The following WWOX variants were observed in gnomAD, a reference collection of about 807,000 sequenced individuals.
WWOX encodes WW domain containing oxidoreductase, also known as WW domain-containing oxidoreductase.
In WWOX, 69 loss-of-function variants were observed where a neutral mutation model predicts 46.2. The ratio of observed to expected loss-of-function variants is 1.49; its 90% CI spans 1.23 to 1.82. The LOEUF is 1.82. Ranked by LOEUF, WWOX falls within the 40% of genes most tolerant of loss-of-function variation. WWOX has a pLI of 0.00. For synonymous variants in WWOX, 359 were observed against 202.6 expected (o/e 1.77, Z -6.56); for missense variants, 919 against 542.6 (o/e 1.69, Z -6.89).
chr16:78,912,878 C>T (rs2045147969), intron 8 of WWOX, among the ~76,000 whole-genome samples: 1 of 151,972 alleles, frequency 6.6e-6, no homozygotes. Flanking sequence ...ATCTTTAAAA[C>T]ACCATCAGCT....
At chr16:78,628,982 C>A (rs575177507) in intron 8 of WWOX, among the ~76,000 whole-genome samples, 3 of 152,164 alleles carry the variant, frequency 2.0e-5, no homozygotes, top group Admixed American at 2.0e-4. Context: ...TTTCCATTCT[C>A]AGGTCTTTTA....
In WWOX at chr16:79,073,972, T is replaced by G. The variant is rs181331870; in HGVS notation, c.1057-137636T>G. Among the ~76,000 whole-genome samples, 4 of 150,806 alleles carry G rather than the reference T, an allele frequency of 2.7e-5. No individual in the cohort carries two copies. The East Asian group carries it at 5.8e-4, about 22-fold the overall frequency. ...AAATCTCTTCTGGAGGAGGGTACCC[T>G]TCACAAAGTTATTTGCCAAAGGTCT... On this transcript the variant is annotated intron_variant, in intron 8 of 8. Transcript: ENST00000566780.
At chr16:78,128,808 CTGTGTGGCTGTGTGAT>C (rs796545238) in intron 4 of WWOX, among the ~76,000 whole-genome samples, 33 of 152,290 alleles carry the variant, frequency 2.2e-4, no homozygotes, top group African/African-American at 7.7e-4. Flanking sequence ...TTTGATTTTA[CTGTGTGGCTGTGTGAT>C]ACAGCAAGGC....
At chr16:78,990,536 A>G (rs1478127653) in intron 8 of WWOX, among the ~76,000 whole-genome samples, 3 of 152,242 alleles carry the variant, frequency 2.0e-5, no homozygotes, top group Non-Finnish European at 4.4e-5. Context: ...CACACTGACA[A>G]CAGCTCTTTG....
At chr16:79,120,276 T>C (rs1441014008) in intron 8 of WWOX, among the ~76,000 whole-genome samples, 3 of 152,140 alleles carry the variant, frequency 2.0e-5, no homozygotes, top group African/African-American at 4.8e-5. Context: ...CAGGTACATA[T>C]ACCCTTCAGA....
intron 8 of WWOX, among the ~76,000 whole-genome samples, chr16:79,094,073 C>T (rs1343059004): frequency 6.6e-6 from 1 of 152,102 alleles, no homozygotes; most frequent in African/African-American, 2.4e-5. Flanking sequence ...AGATAAAGTG[C>T]CCACCTAGCA....
chr16:78,207,460 T>A (rs35620346), intron 5 of WWOX, among the ~76,000 whole-genome samples: 11,074 of 152,160 alleles, frequency 0.073, 464 homozygotes, highest in Middle Eastern at 0.11. Context: ...GCTTGTCTTT[T>A]TACATCTTTG....
intron 5 of WWOX, among the ~76,000 whole-genome samples, chr16:78,316,209 G>A (rs1393270576): frequency 3.3e-5 from 5 of 152,160 alleles, no homozygotes; most frequent in Non-Finnish European, 4.4e-5. Context: ...CCATGCTAGT[G>A]TACTCCAGTC....
chr16:78,459,038 C>G (rs1308213726), intron 8 of WWOX, among the ~76,000 whole-genome samples: 6 of 152,292 alleles, frequency 3.9e-5, no homozygotes, highest in East Asian at 1.9e-4. Flanking sequence ...TATTAGTAAA[C>G]TAATGGATTA....
At chr16:78,670,290 G>A (rs1338589690) in intron 8 of WWOX, among the ~76,000 whole-genome samples, 1 of 152,108 alleles carries the variant, frequency 6.6e-6, no homozygotes, top group African/African-American at 2.4e-5. Context: ...GTTTTTCTGT[G>A]CATCTGTCTT....
intron 8 of WWOX, among the ~76,000 whole-genome samples, chr16:78,860,914 C>G (rs2043870672): frequency 6.6e-6 from 1 of 152,178 alleles, no homozygotes; most frequent in Non-Finnish European, 1.5e-5. Flanking sequence ...CTCCCAGGCC[C>G]AGGTGATCCT....
chr16:78,439,312 C>T (rs569671152), intron 8 of WWOX, among the ~76,000 whole-genome samples: 13 of 152,176 alleles, frequency 8.5e-5, no homozygotes, highest in Admixed American at 3.3e-4. Context: ...GAAAACTGGA[C>T]TCTCAGGACC....
chr16:78,388,440 G>A (rs1229187119), intron 6 of WWOX, among the ~76,000 whole-genome samples: 1 of 151,582 alleles, frequency 6.6e-6, no homozygotes, highest in African/African-American at 2.4e-5. Flanking sequence ...GAGGTCAAGA[G>A]ATCAAGACCA....
intron 8 of WWOX, among the ~76,000 whole-genome samples, chr16:78,611,317 C>T (rs557165705): frequency 8.5e-5 from 13 of 152,234 alleles, no homozygotes; most frequent in South Asian, 6.2e-4. Context: ...CCCCTGTCAA[C>T]GCAATTAGAT....
intron 8 of WWOX, among the ~76,000 whole-genome samples, chr16:78,706,616 A>C (rs1359760430): frequency 6.6e-6 from 1 of 152,192 alleles, no homozygotes; most frequent in Non-Finnish European, 1.5e-5. Flanking sequence ...GGTCCCAAGA[A>C]AATAGTTTTT....
rs185369169 is a variant in WWOX at position 78,715,236 on chromosome 16, C to G, written c.1056+282484C>G. ...TTAAAGAAAACACAAGTAAAGCTAA[C>G]TGTAACACACAGAGCTTTGTCTTTT... On this transcript the variant is annotated intron_variant, in intron 8 of 8. Coordinates refer to ENST00000566780, the MANE Select transcript of WWOX (RefSeq NM_016373.4). 9.2e-5 allele frequency among the ~76,000 whole-genome samples: 14 copies of G among 152,148 alleles called. No homozygotes were observed. The East Asian group carries it at 2.7e-3, about 29-fold the overall frequency.
chr16:78,241,034 C>T (rs2037627280), intron 5 of WWOX, among the ~76,000 whole-genome samples: 1 of 152,134 alleles, frequency 6.6e-6, no homozygotes, highest in South Asian at 2.1e-4. Flanking sequence ...GGCTGGCTGC[C>T]CCTGCTTACT....
At chr16:78,460,733 G>A (rs901647695) in intron 8 of WWOX, among the ~76,000 whole-genome samples, 5 of 152,322 alleles carry the variant, frequency 3.3e-5, no homozygotes, top group South Asian at 2.1e-4. Flanking sequence ...TTCGATCCAC[G>A]TGGCATAGCA....
intron 8 of WWOX, among the ~76,000 whole-genome samples, chr16:79,060,607 A>T (rs1025106984): frequency 6.6e-6 from 1 of 152,206 alleles, no homozygotes; most frequent in Non-Finnish European, 1.5e-5. Flanking sequence ...CATATGTCTT[A>T]TGTCTTCAAA....
Sources: gnomAD v4.1 joint callset for allele counts (sites outside exome capture counted in the v4.1 genomes callset) on GRCh38, gnomAD v4.1.1 for gene constraint, MANE v1.5 for transcripts, NCBI Gene and HGNC (gene_info 2026-07-23, HGNC 2026-07-21) for gene names.